Variants in PHLDB2 observed in about 807,000 individuals in gnomAD.
PHLDB2 encodes the protein pleckstrin homology-like domain family B member 2.
In PHLDB2, 71 loss-of-function variants were observed where a neutral mutation model predicts 123.6. The ratio of observed to expected loss-of-function variants is 0.57; its 90% confidence interval spans 0.47 to 0.70. The LOEUF is 0.70. Among genes scored for constraint, PHLDB2 ranks in the 30% least tolerant of loss-of-function variants. PHLDB2 has a pLI of 0.00. For missense variants in PHLDB2, 1,446 were observed against 1,519.5 expected (o/e 0.95, Z 0.80); for synonymous variants, 547 against 541.6 (o/e 1.01, Z -0.14).
intron 1 of PHLDB2, among the ~76,000 whole-genome samples, chr3:111,750,866 A>G (rs1277051588): frequency 1.3e-5 from 2 of 151,578 alleles, no homozygotes; most frequent in Non-Finnish European, 2.9e-5. Flanking sequence ...GAATCACTTG[A>G]ACCTGTGAGG....
upstream of PHLDB2, among the ~76,000 whole-genome samples, chr3:111,857,839 C>G (rs1478104730): frequency 6.6e-6 from 1 of 152,170 alleles, no homozygotes; most frequent in Non-Finnish European, 1.5e-5. Flanking sequence ...AATGGGAACG[C>G]TTTTACACTG....
intron 1 of PHLDB2, among the ~76,000 whole-genome samples, chr3:111,766,703 G>T (rs9825915): frequency 0.49 from 74,610 of 151,788 alleles, 18,757 homozygotes; most frequent in East Asian, 0.59. Flanking sequence ...TAGGTAGTGC[G>T]GGCTGCAGAG....
chr3:111,939,372 T>C (rs565113309), intron 6 of PHLDB2, 103 bp from the exon 7 acceptor site: 6 of 1,212,318 alleles, frequency 4.9e-6, no homozygotes, highest in Non-Finnish European at 6.9e-6. Context: ...ATATTGTAAC[T>C]GGAAAGATAT....
At chr3:111,920,175 A>G in intron 4 of PHLDB2, 107 bp from the exon 5 acceptor site, 12 of 1,292,228 alleles carry the variant, frequency 9.3e-6, no homozygotes, top group South Asian at 3.2e-5. Context: ...TGGCTGCTAC[A>G]GTATTACTTT....
Position 111,975,514 on chromosome 3 carries a change from A to G in PHLDB2, c.*951A>G, listed in dbSNP as rs940423830. The G allele has an allele frequency of 4.6e-5, 7 of 152,184 alleles. No individual in the cohort carries two copies. The highest frequency in any genetic ancestry group is 1.4e-4 in the African/African-American group (6 of 41,440). The allele number at this position is 152,184 out of a possible 1,614,324, so 9.4% of individuals were successfully genotyped here. ...ACCTGCTAACTGCTCCCTCAACATAACTATGAAATCATAGCTCTGTTTTCA... is the reference window on the plus strand; with the variant it reads ...ACCTGCTAACTGCTCCCTCAACATAGCTATGAAATCATAGCTCTGTTTTCA... On this transcript the variant is annotated 3_prime_UTR_variant, in exon 18 of 18. Transcript: ENST00000431670.
At chr3:111,742,637 A>AACTCGT (rs2107931705) in intron 1 of PHLDB2, among the ~76,000 whole-genome samples, 1 of 152,298 alleles carries the variant, frequency 6.6e-6, no homozygotes, top group Admixed American at 6.5e-5. Flanking sequence ...AAAGGATATG[A>AACTCGT]ACTCGTCCTT....
Position 111,913,600 on chromosome 3 carries a change from G to T in PHLDB2, c.1617G>T (p.Arg539Ser), listed in dbSNP as rs140366503. ...GCTTCTTTACCCCCAGGAGCACCAG[G>T]AATGATGAACTACTCAGTGACCTCA... is the stretch of plus-strand genomic sequence containing the variant. ...SASFFTPRST[R>S]NDELLSDLTR... The change falls in exon 3 of 18, where the codon AGG becomes AGT. Residue 539 changes from arginine (R) to serine (S), a missense_variant. By Grantham distance (110) the Arg-to-Ser change is moderately radical. This residue lies in a region of PHLDB2 where 832 missense variants were observed against 831.9 expected (regional missense o/e 1.00). Coordinates refer to ENST00000431670, the MANE Select transcript of PHLDB2 (RefSeq NM_001134438.2). The T allele has an allele frequency of 9.9e-6, 16 of 1,614,098 alleles. 1 individual carries two copies. Among genetic ancestry groups the T allele is most frequent in the Non-Finnish European group, 1.4e-5 (16 of 1,180,012 alleles).
rs145967918 is a variant in PHLDB2, at chr3:111,792,417, A to C, written c.-48-53404A>C. On this transcript the variant is annotated intron_variant, in intron 1 of 17. Coordinates refer to the PHLDB2 transcript ENST00000393923. ...CAATTAGCTATCAGTTATCATCAAG[A>C]TCTGAGCACCAGGCATGGTGGCTCA... Among the ~76,000 whole-genome samples, 467 of 152,298 alleles carry C rather than the reference A, an allele frequency of 3.1e-3. 1 individual carries two copies. The highest frequency in any genetic ancestry group is 0.011 in the African/African-American group (445 of 41,560).
intron 2 of PHLDB2, among the ~76,000 whole-genome samples, chr3:111,892,063 T>C (rs920845701): frequency 6.6e-6 from 1 of 152,206 alleles, no homozygotes; most frequent in Non-Finnish European, 1.5e-5. Flanking sequence ...CATTTAGAAC[T>C]ATGCAGGGCC....
At position 111,882,928 on chromosome 3, in the gene PHLDB2, T is replaced by G. The variant is rs373196060; in HGVS notation, c.-14-1136T>G. 6.6e-5 allele frequency among the ~76,000 whole-genome samples: 10 copies of G among 152,336 alleles called. No homozygotes were observed. The South Asian group carries it at 1.7e-3, about 25-fold the overall frequency. On this transcript the variant is annotated intron_variant, in intron 1 of 17. Coordinates refer to ENST00000431670, the MANE Select transcript of PHLDB2 (RefSeq NM_001134438.2). ...AAAAATACTAGACATAACCTCTTCC[T>G]TAAACTTGTGGCCTAGTTACAGAGA...
intron 1 of PHLDB2, chr3:111,779,857 A>T (rs1369646353): frequency 1.0e-6 from 1 of 984,350 alleles, no homozygotes; most frequent in East Asian, 1.1e-4. Context: ...CTCTATATGG[A>T]AATACTTAGG....
intron 1 of PHLDB2, among the ~76,000 whole-genome samples, chr3:111,773,037 A>T (rs1479791746): frequency 6.6e-6 from 1 of 152,246 alleles, no homozygotes; most frequent in Non-Finnish European, 1.5e-5. Flanking sequence ...GTATAGAAGC[A>T]AACAACTTCA....
intron 1 of PHLDB2, among the ~76,000 whole-genome samples, chr3:111,766,523 T>C (rs927108452): frequency 1.3e-5 from 2 of 152,028 alleles, no homozygotes; most frequent in African/African-American, 4.8e-5. Flanking sequence ...GAGTTTTGCA[T>C]GTAATTTCAT....
intron 2 of PHLDB2, among the ~76,000 whole-genome samples, chr3:111,850,917 C>T (rs911436430): frequency 6.6e-6 from 1 of 151,896 alleles, no homozygotes; most frequent in African/African-American, 2.4e-5. Context: ...TGTTTTTGGC[C>T]AGGCGTGGTG....
At chr3:111,814,306 A>G (rs2061972971) in intron 1 of PHLDB2, among the ~76,000 whole-genome samples, 1 of 15,342 alleles carries the variant, frequency 6.5e-5, no homozygotes, top group Non-Finnish European at 1.6e-4. Context: ...AAAAATGTGA[A>G]AAAGAAAGAC....
intron 1 of PHLDB2, among the ~76,000 whole-genome samples, chr3:111,792,800 CAAAT>C (rs1030073770): frequency 1.3e-5 from 2 of 152,138 alleles, no homozygotes; most frequent in South Asian, 2.1e-4. Flanking sequence ...TTATCAGAAA[CAAAT>C]AAGCAAACAA....
chr3:111,868,669 ATT>A (rs1421715219), intron 1 of PHLDB2, among the ~76,000 whole-genome samples: 3 of 152,140 alleles, frequency 2.0e-5, no homozygotes, highest in Non-Finnish European at 4.4e-5. Context: ...ACTTATTGAT[ATT>A]GTCTCCTTTA....
intron 1 of PHLDB2, among the ~76,000 whole-genome samples, chr3:111,836,299 G>A (rs1011925534): frequency 2.6e-5 from 4 of 152,180 alleles, no homozygotes; most frequent in African/African-American, 9.6e-5. Flanking sequence ...GTCCCCAACA[G>A]AGCACAGTGC....
chr3:111,734,271 T>A (rs1364801091), intron 1 of PHLDB2, among the ~76,000 whole-genome samples: 1 of 152,144 alleles, frequency 6.6e-6, no homozygotes, highest in Admixed American at 6.5e-5. Flanking sequence ...GGGAAAAGGA[T>A]CTTGGGGTGA....
Sources: gnomAD v4.1 joint callset for allele counts (sites outside exome capture counted in the v4.1 genomes callset) on GRCh38, gnomAD v4.1.1 for gene constraint, gnomAD v4.1.1 regional missense constraint, MANE v1.5 for transcripts, NCBI Gene and HGNC (gene_info 2026-07-23, HGNC 2026-07-21) for gene names.